PSMB1: variants seen among roughly 807,000 people sequenced by gnomAD.
The protein encoded by PSMB1 is proteasome subunit beta type-1.
PSMB1 carries 7 observed loss-of-function variants against 25.4 expected under a neutral mutation model. That is an observed-to-expected ratio of 0.28 (90% CI 0.16 to 0.52). The LOEUF (loss-of-function observed/expected upper bound fraction) is 0.52, where lower values mean the gene tolerates loss of function less well. Ranked by LOEUF, PSMB1 falls within the 20% of genes least tolerant of loss-of-function variation. The pLI is 0.97. For synonymous variants in PSMB1, 119 were observed against 115.0 expected, an observed-to-expected ratio of 1.03 and a Z score of -0.22; for missense variants, 284 against 302.2, an observed-to-expected ratio of 0.94 and a Z score of 0.45.
rs1326477852 is a variant in PSMB1, at chr6:170,553,143, C to G, written c.100G>C (p.Val34Leu). ...GPLQLRFSPYVFNGGTILAIA... is the reference protein window; with the variant it reads ...GPLQLRFSPYLFNGGTILAIA... ...TGGGGTTTTTACCCTCCGTTGAAAA[C>G]GTAGGGCGAAAATCGCAGCTGCAAA... Residue 34 changes from valine to leucine, a missense_variant, in exon 1 of 6, where the codon GTT becomes CTT. Physicochemically the swap from Val to Leu is conservative, Grantham distance 32. Transcript: ENST00000262193. The G allele has an allele frequency of 1.2e-6, 2 of 1,612,212 alleles. No individual in the cohort carries two copies. The highest frequency in any genetic ancestry group is 1.3e-5 in the African/African-American group (1 of 75,038).
intron 1 of PSMB1, among the ~76,000 whole-genome samples, chr6:170,552,631 C>A (rs1288442537): frequency 6.6e-6 from 1 of 152,162 alleles, no homozygotes; most frequent in African/African-American, 2.4e-5. Context: ...AGAAATCAGG[C>A]GGCTACAATT....
intron 1 of PSMB1, among the ~76,000 whole-genome samples, chr6:170,551,982 G>A (rs920529739): frequency 6.6e-6 from 1 of 152,184 alleles, no homozygotes; most frequent in African/African-American, 2.4e-5. Context: ...GCAGAACCAA[G>A]GCTAAAATCA....
chr6:170,547,384 C>G (rs1778832057), intron 2 of PSMB1, among the ~76,000 whole-genome samples: 3 of 152,162 alleles, frequency 2.0e-5, no homozygotes, highest in Admixed American at 2.0e-4. Context: ...CAAATTCAAC[C>G]GTGTATTTCA....
intron 1 of PSMB1, among the ~76,000 whole-genome samples, chr6:170,552,695 C>T (rs1257298587): frequency 6.6e-6 from 1 of 152,212 alleles, no homozygotes; most frequent in East Asian, 1.9e-4. Context: ...ACCAAACAAC[C>T]CTAACTTTTA....
intron 4 of PSMB1, among the ~76,000 whole-genome samples, chr6:170,542,530 C>CTGAGAAAT (rs1210490787): frequency 6.6e-6 from 1 of 152,218 alleles, no homozygotes; most frequent in East Asian, 1.9e-4. Context: ...GCTTGAAACA[C>CTGAGAAAT]TGAGAAATTA....
chr6:170,537,202 AT>A, intron 5 of PSMB1, 31 bp downstream of exon 5: 2 of 1,535,108 alleles, frequency 1.3e-6, no homozygotes, highest in East Asian at 4.5e-5. Flanking sequence ...CAAGTTGGAC[AT>A]AGTATCATTA....
intron 4 of PSMB1, among the ~76,000 whole-genome samples, chr6:170,540,613 A>G (rs1487297315): frequency 7.9e-6 from 1 of 127,304 alleles, no homozygotes; most frequent in Admixed American, 7.8e-5. Context: ...AAAAAAAAAA[A>G]TCAGAGATTT....
In PSMB1 at chr6:170,543,817, A is replaced by C. The variant is rs142802931; in HGVS notation, c.304-87T>G. On this transcript the variant is annotated intron_variant, in intron 3 of 5. Coordinates refer to ENST00000262193, the MANE Select transcript of PSMB1 (RefSeq NM_002793.4). ...TCAACAGTATAAAGTGAATAAATAA[A>C]TGCATACCACAGTGGAAGGGGAAAG... is the stretch of plus-strand genomic sequence containing the variant. 2.0e-5 allele frequency: 25 copies of C among 1,250,370 alleles called. No individual in the cohort carries two copies. The East Asian group carries it at 3.6e-4, about 18-fold the overall frequency. The allele number at this position is 1,250,370 out of a possible 1,614,324, so 77.5% of individuals were successfully genotyped here.
chr6:170,546,042 A>C (rs1289713866), intron 3 of PSMB1, 61 bp downstream of exon 3: 7 of 1,431,202 alleles, frequency 4.9e-6, no homozygotes, highest in Non-Finnish European at 6.7e-6. Context: ...CTGTAGGCTT[A>C]AAAGAATTTA....
intron 4 of PSMB1, among the ~76,000 whole-genome samples, chr6:170,542,355 T>C (rs1778767488): frequency 6.6e-6 from 1 of 152,056 alleles, no homozygotes; most frequent in Non-Finnish European, 1.5e-5. Context: ...CCTCTTAGAA[T>C]TTTCCCTCAC....
intron 1 of PSMB1, chr6:170,549,637 C>A (rs528912835): frequency 6.6e-6 from 1 of 152,262 alleles, no homozygotes; most frequent in South Asian, 2.1e-4. Flanking sequence ...CCCTCTGTGG[C>A]TGTACAATTT....
At position 170,537,150 on chromosome 6, in the gene PSMB1, AGAG is replaced by A. The variant is rs1434280399; in HGVS notation, c.540+81_540+83del. On this transcript the variant is annotated intron_variant, in intron 5 of 5. Coordinates refer to ENST00000262193, the MANE Select transcript of PSMB1 (RefSeq NM_002793.4). The stretch of plus-strand genomic sequence containing the variant: ...TATCTTGGCTCTCCTAAGCTAATGA[AGAG>A]GAGAACTTGGAGGAAGGCACTTCAA... 38 of 1,039,238 alleles carry A rather than the reference AGAG, an allele frequency of 3.7e-5. No individual in the cohort carries two copies. In the South Asian group the frequency reaches 4.0e-4, roughly 11 times the overall value. The allele number at this position is 1,039,238 out of a possible 1,614,324, so 64.4% of individuals were successfully genotyped here. A position where few individuals can be genotyped will look rare whatever the true frequency, so the allele number is the denominator to read the frequency against.
intron 5 of PSMB1, among the ~76,000 whole-genome samples, chr6:170,536,895 G>A (rs1054815352): frequency 3.9e-5 from 6 of 152,118 alleles, no homozygotes; most frequent in Admixed American, 1.3e-4. Context: ...ACACAGAAAG[G>A]GGGGGTAAGA....
chr6:170,536,606 G>T (rs1244481507), intron 5 of PSMB1: 1 of 387,020 alleles, frequency 2.6e-6, no homozygotes, highest in Non-Finnish European at 5.1e-6. Flanking sequence ...ATACAGTATT[G>T]TAAATGTATT....
intron 2 of PSMB1, among the ~76,000 whole-genome samples, chr6:170,546,853 A>C (rs531775905): frequency 6.6e-5 from 10 of 152,354 alleles, no homozygotes; most frequent in Non-Finnish European, 1.5e-4. Context: ...AGGGAAATTT[A>C]AGAATAGCTT....
At chr6:170,549,539 A>T (rs775340319) in intron 1 of PSMB1, 9 of 154,870 alleles carry the variant, frequency 5.8e-5, no homozygotes, top group Non-Finnish European at 1.1e-4. Context: ...TTTATATCCA[A>T]GTCCTTATAT....
At chr6:170,551,210 G>A (rs1026860694) in intron 1 of PSMB1, among the ~76,000 whole-genome samples, 1 of 152,192 alleles carries the variant, frequency 6.6e-6, no homozygotes, top group African/African-American at 2.4e-5. Context: ...TTTGCTAGCT[G>A]TCTTGAGTTG....
rs1462708052 is a variant in PSMB1 at position 170,535,265 on chromosome 6, G to A, written c.681C>T (p.Thr227=). 2 of 1,614,004 alleles carry A rather than the reference G, an allele frequency of 1.2e-6. No homozygotes were observed. Among genetic ancestry groups the A allele is most frequent in the East Asian group, 2.2e-5 (1 of 44,880 alleles). The change falls in exon 6 of 6, where the codon ACC becomes ACT. Residue 227 remains threonine (T), a synonymous_variant. Coordinates refer to ENST00000262193, the MANE Select transcript of PSMB1 (RefSeq NM_002793.4). The stretch of plus-strand genomic sequence containing the variant: ...CAGTTTCCTCCCTGATGCCCTCTTT[G>A]GTCACTATGCAGATCCGGAGTGCGT... ...TGDALRICIV[T]KEGIREETVS... is the part of the protein sequence containing the mutation.
intron 5 of PSMB1, 69 bp downstream of exon 5, chr6:170,537,165 G>T: frequency 8.3e-7 from 1 of 1,203,272 alleles, no homozygotes; most frequent in Non-Finnish European, 1.2e-6. Context: ...AGAACTTGGA[G>T]GAAGGCACTT....
Sources: gnomAD v4.1 joint callset for allele counts (sites outside exome capture counted in the v4.1 genomes callset) on GRCh38, gnomAD v4.1.1 for gene constraint, MANE v1.5 for transcripts, NCBI Gene and HGNC (gene_info 2026-07-23, HGNC 2026-07-21) for gene names.